Variants in RALYL observed in about 807,000 individuals in gnomAD.
The protein encoded by RALYL is RNA-binding Raly-like protein.
A neutral mutation model predicts 35.1 loss-of-function variants in RALYL; 29 were observed. The ratio of observed to expected loss-of-function variants is 0.83; its 90% confidence interval spans 0.61 to 1.13. RALYL has a LOEUF of 1.13. Ranked by LOEUF, RALYL falls within the 50% of genes most tolerant of loss-of-function variation. RALYL has a pLI of 0.00. For missense variants in RALYL, 359 were observed against 360.4 expected (o/e 1.00, Z 0.03); for synonymous variants, 120 against 127.6 (o/e 0.94, Z 0.40).
chr8:84,615,031 A>G (rs576334357), intron 2 of RALYL, among the ~76,000 whole-genome samples: 2 of 151,794 alleles, frequency 1.3e-5, no homozygotes, highest in South Asian at 4.1e-4. Flanking sequence ...CTTATGTGCT[A>G]CTATATGTTC....
At chr8:84,202,208 A>T (rs13279783) in intron 1 of RALYL, among the ~76,000 whole-genome samples, 6,768 of 134,550 alleles carry the variant, frequency 0.05, 214 homozygotes, top group Non-Finnish European at 0.065. Context: ...TTTTTGGTTT[A>T]AAAAAAAAAA....
chr8:84,568,859 G>A lies in RALYL; in HGVS notation c.256+39282G>A, dbSNP rs1204202302. Among the ~76,000 whole-genome samples the A allele has an allele frequency of 2.1e-4, 32 of 151,702 alleles. 1 individual carries two copies. The highest frequency in any genetic ancestry group is 7.0e-4 in the African/African-American group (29 of 41,376). The stretch of plus-strand genomic sequence containing the variant: ...CTGCATAAATGTCTTCTTTTGAGAA[G>A]TGTCTGTTCATATCCTTTGCCCACT... On this transcript the variant is annotated intron_variant, in intron 2 of 8. Transcript: ENST00000521268.
At chr8:84,424,928 C>A (rs907539983) in intron 1 of RALYL, among the ~76,000 whole-genome samples, 5 of 151,604 alleles carry the variant, frequency 3.3e-5, no homozygotes, top group African/African-American at 1.2e-4. Flanking sequence ...CAGCTGTGTG[C>A]TGGGAGAACC....
chr8:84,379,357 CTGAT>C (rs1400187399), intron 1 of RALYL, among the ~76,000 whole-genome samples: 3 of 151,888 alleles, frequency 2.0e-5, no homozygotes, highest in African/African-American at 7.2e-5. Context: ...GTTCCCTTGA[CTGAT>C]TGTACAACTT....
intron 2 of RALYL, among the ~76,000 whole-genome samples, chr8:84,581,045 T>A (rs148954248): frequency 1.3e-5 from 2 of 152,190 alleles, no homozygotes; most frequent in African/African-American, 4.8e-5. Flanking sequence ...TCCATGTAGT[T>A]TGACCTCCTC....
chr8:84,789,589 G>A (rs1820322899), intron 3 of RALYL, among the ~76,000 whole-genome samples: 1 of 152,096 alleles, frequency 6.6e-6, no homozygotes, highest in Admixed American at 6.5e-5. Context: ...TGGGTGCGGT[G>A]GTTCACACCT....
chr8:84,851,339 T>A (rs1835825276), intron 5 of RALYL, among the ~76,000 whole-genome samples: 1 of 152,216 alleles, frequency 6.6e-6, no homozygotes, highest in Non-Finnish European at 1.5e-5. Flanking sequence ...AAGCAAAGTT[T>A]GGACTTTATT....
chr8:84,746,229 T>C (rs1808570482), intron 2 of RALYL, among the ~76,000 whole-genome samples: 1 of 152,078 alleles, frequency 6.6e-6, no homozygotes, highest in African/African-American at 2.4e-5. Context: ...AAACAATCAA[T>C]GTTTTCCAAC....
At chr8:84,748,182 C>A (rs1253026997) in intron 2 of RALYL, among the ~76,000 whole-genome samples, 2 of 151,816 alleles carry the variant, frequency 1.3e-5, no homozygotes, top group Non-Finnish European at 2.9e-5. Context: ...ATATTATTTT[C>A]TCTTTTGACT....
At chr8:84,617,331 G>C (rs1309025597) in intron 2 of RALYL, among the ~76,000 whole-genome samples, 1 of 151,248 alleles carries the variant, frequency 6.6e-6, no homozygotes, top group Non-Finnish European at 1.5e-5. Context: ...TGGATTCCTA[G>C]GTATTTTATT....
At chr8:84,834,689 C>T (rs1001161243) in intron 4 of RALYL, among the ~76,000 whole-genome samples, 1 of 152,058 alleles carries the variant, frequency 6.6e-6, no homozygotes, top group Non-Finnish European at 1.5e-5. Flanking sequence ...TTAGAGCTGA[C>T]CAGCAATAAA....
At chr8:84,620,241 T>C (rs1313688191) in intron 2 of RALYL, among the ~76,000 whole-genome samples, 5 of 152,236 alleles carry the variant, frequency 3.3e-5, no homozygotes, top group Non-Finnish European at 5.9e-5. Flanking sequence ...CAATCAGACG[T>C]AGATTTGGTC....
At chr8:84,357,758 T>C (rs1345241136) in intron 1 of RALYL, among the ~76,000 whole-genome samples, 1 of 144,262 alleles carries the variant, frequency 6.9e-6, no homozygotes, top group Non-Finnish European at 1.5e-5. Flanking sequence ...TAGCTTGTCG[T>C]ATATATATAA....
chr8:84,728,416 T>C (rs1340707140), intron 2 of RALYL, among the ~76,000 whole-genome samples: 2 of 151,496 alleles, frequency 1.3e-5, no homozygotes, highest in Non-Finnish European at 3.0e-5. Flanking sequence ...TTCTCCCATT[T>C]TGTAGGTTGC....
chr8:84,379,137 A>G (rs889296334), intron 1 of RALYL, among the ~76,000 whole-genome samples: 4 of 151,962 alleles, frequency 2.6e-5, no homozygotes, highest in African/African-American at 4.8e-5. Flanking sequence ...TGAGCAGAAC[A>G]TTTAAATAAA....
Position 84,223,081 on chromosome 8 carries a change from G to GCCTTTCCTTTCCTTTCCTTT in RALYL, c.-24+38714_-24+38733dup, listed in dbSNP as rs767992068. Among the ~76,000 whole-genome samples the GCCTTTCCTTTCCTTTCCTTT allele has an allele frequency of 7.6e-4, 40 of 52,754 alleles. 1 individual carries two copies. Among genetic ancestry groups the GCCTTTCCTTTCCTTTCCTTT allele is most frequent in the African/African-American group, 2.5e-3 (36 of 14,286 alleles). The allele number at this position is 52,754 out of a possible 152,430, so 34.6% of individuals were successfully genotyped here. A position where few individuals can be genotyped will look rare whatever the true frequency, so the allele number is the denominator to read the frequency against. The stretch of plus-strand genomic sequence containing the variant: ...TTCCCTTTCTCTCTCCCTTTGCCCT[G>GCCTTTCCTTTCCTTTCCTTT]CCTTTCCTTTCCTTTCCTTTCCTTT... On this transcript the variant is annotated intron_variant, in intron 1 of 8. Transcript: ENST00000521268.
At chr8:84,369,403 C>T (rs772192775) in intron 1 of RALYL, among the ~76,000 whole-genome samples, 1 of 152,006 alleles carries the variant, frequency 6.6e-6, no homozygotes, top group Non-Finnish European at 1.5e-5. Flanking sequence ...AATTTTCTGT[C>T]AATAAATACC....
chr8:84,812,005 C>G (rs775798667), intron 4 of RALYL, among the ~76,000 whole-genome samples: 2 of 151,902 alleles, frequency 1.3e-5, no homozygotes, highest in Non-Finnish European at 2.9e-5. Flanking sequence ...TCAGGTAAAT[C>G]GGGGATTTCT....
At chr8:84,784,409 T>C (rs1818890600) in intron 3 of RALYL, among the ~76,000 whole-genome samples, 1 of 152,202 alleles carries the variant, frequency 6.6e-6, no homozygotes, top group Admixed American at 6.5e-5. Context: ...AGTCTCACTC[T>C]TACAATGTGA....
Sources: allele counts gnomAD v4.1 joint callset (sites outside exome capture counted in the v4.1 genomes callset), GRCh38; gene constraint gnomAD v4.1.1; transcripts MANE v1.5; gene names NCBI Gene and HGNC (gene_info 2026-07-23, HGNC 2026-07-21).